Variants in COG5 observed in about 807,000 individuals in gnomAD.
The protein encoded by COG5 is component of oligomeric golgi complex 5, also known as conserved oligomeric Golgi complex subunit 5.
In COG5, 86 loss-of-function variants were observed where a neutral mutation model predicts 110.4. The ratio of observed to expected loss-of-function variants is 0.78; its 90% confidence interval spans 0.65 to 0.93. COG5 has a LOEUF of 0.93. Among genes scored for constraint, COG5 ranks in the 40% least tolerant of loss-of-function variants. COG5 has a pLI of 0.00. For synonymous variants in COG5, 360 were observed against 334.6 expected, an observed-to-expected ratio of 1.08 and a Z score of -0.83; for missense variants, 1,077 against 987.0, an observed-to-expected ratio of 1.09 and a Z score of -1.22.
rs1810854428 is a variant in COG5 at position 107,338,055 on chromosome 7, C to A, written c.1027-13534G>T. ...ATGGGCTGCCATCAACAAAAACCCA[C>A]ATTTTTGTCCACAACTACATTTTTC... On this transcript the variant is annotated intron_variant, in intron 10 of 21. Transcript: ENST00000297135. 2.6e-5 allele frequency among the ~76,000 whole-genome samples: 4 copies of A among 152,042 alleles called. No homozygotes were observed. In the South Asian group the frequency reaches 8.3e-4, roughly 31 times the overall value.
chr7:107,441,287 A>G (rs973338133), intron 6 of COG5, among the ~76,000 whole-genome samples: 1 of 151,136 alleles, frequency 6.6e-6, no homozygotes, highest in Non-Finnish European at 1.5e-5. Flanking sequence ...AGAATTACCA[A>G]TCCTGAGGAG....
intron 6 of COG5, among the ~76,000 whole-genome samples, chr7:107,455,493 C>T (rs1795605077): frequency 6.6e-6 from 1 of 152,060 alleles, no homozygotes; most frequent in Admixed American, 6.6e-5. Flanking sequence ...TGGTCTCAGC[C>T]CTCAAGCTGA....
intron 6 of COG5, among the ~76,000 whole-genome samples, chr7:107,515,791 C>G (rs1283320751): frequency 6.6e-6 from 1 of 152,148 alleles, no homozygotes; most frequent in African/African-American, 2.4e-5. Flanking sequence ...CTCTTTAGAA[C>G]AAGTCAGGCA....
At position 107,474,486 on chromosome 7, in the gene COG5, C is replaced by T; in HGVS notation, c.538+52751G>A. On this transcript the variant is annotated intron_variant, in intron 6 of 21. Coordinates refer to ENST00000297135, the MANE Select transcript of COG5 (RefSeq NM_006348.5). This position sits in a 1 kb window ranked among gnomAD's most constrained non-coding sequence, Gnocchi z 5.7. Reference sequence around the variant, plus strand: ...TTGCTATCACTTTGGACAGATATGACATCTCTGTAAAACCTGCAAACCGAA... The same window carrying T: ...TTGCTATCACTTTGGACAGATATGATATCTCTGTAAAACCTGCAAACCGAA... The T allele has an allele frequency of 1.9e-6, 3 of 1,613,198 alleles. No individual in the cohort carries two copies. The highest frequency in any genetic ancestry group is 2.5e-6 in the Non-Finnish European group (3 of 1,179,450).
intron 6 of COG5, among the ~76,000 whole-genome samples, chr7:107,489,597 G>GA (rs1002321155): frequency 1.6e-4 from 25 of 151,994 alleles, no homozygotes; most frequent in African/African-American, 5.8e-4. Context: ...TGTTAAAAAA[G>GA]AAAAAAATCT....
intron 7 of COG5, among the ~76,000 whole-genome samples, chr7:107,390,980 T>C (rs1336607411): frequency 4.6e-5 from 7 of 151,972 alleles, no homozygotes; most frequent in Non-Finnish European, 1.0e-4. Flanking sequence ...CTTTGAGCTA[T>C]AGCAAGGTAA....
At chr7:107,341,964 G>A (rs60224186) in intron 10 of COG5, among the ~76,000 whole-genome samples, 2,855 of 152,156 alleles carry the variant, frequency 0.019, 91 homozygotes, top group African/African-American at 0.063. Flanking sequence ...CTGGACATTC[G>A]CCTTGGGAAA....
chr7:107,304,611 T>C (rs527651253), intron 11 of COG5, among the ~76,000 whole-genome samples: 19 of 152,326 alleles, frequency 1.2e-4, no homozygotes, highest in Non-Finnish European at 1.3e-4. Context: ...ACAGCTCTAA[T>C]GTATTCTTTA....
At chr7:107,330,689 T>C (rs1227406092) in intron 10 of COG5, among the ~76,000 whole-genome samples, 1 of 152,212 alleles carries the variant, frequency 6.6e-6, no homozygotes, top group Non-Finnish European at 1.5e-5. Context: ...ATCCAAGGTC[T>C]ACCACTTGTG....
intron 17 of COG5, among the ~76,000 whole-genome samples, chr7:107,241,716 T>G (rs1461430814): frequency 1.3e-5 from 2 of 152,126 alleles, no homozygotes; most frequent in South Asian, 4.1e-4. Context: ...CCTCCCAAAG[T>G]GCTGGGATTA....
chr7:107,460,884 T>C (rs1050052284), intron 6 of COG5, among the ~76,000 whole-genome samples: 1 of 152,070 alleles, frequency 6.6e-6, no homozygotes, highest in African/African-American at 2.4e-5. Context: ...ATTCAAAAGA[T>C]ATATATTAAA....
At chr7:107,443,229 T>A (rs1052618104) in intron 6 of COG5, among the ~76,000 whole-genome samples, 1 of 152,088 alleles carries the variant, frequency 6.6e-6, no homozygotes, top group Non-Finnish European at 1.5e-5. Flanking sequence ...TGAAAATATA[T>A]ACTAAGTGAA....
intron 10 of COG5, among the ~76,000 whole-genome samples, chr7:107,342,758 C>A (rs768857278): frequency 5.3e-5 from 8 of 152,084 alleles, no homozygotes; most frequent in African/African-American, 1.9e-4. Flanking sequence ...AATGTTTATA[C>A]GTTGCTTCTG....
At chr7:107,499,375 G>A (rs1798491697) in intron 6 of COG5, among the ~76,000 whole-genome samples, 1 of 150,870 alleles carries the variant, frequency 6.6e-6, no homozygotes, top group Non-Finnish European at 1.5e-5. Flanking sequence ...AACCTATCCA[G>A]AAAAGTTTAA....
At chr7:107,408,327 T>TA (rs1477175241) in intron 7 of COG5, among the ~76,000 whole-genome samples, 1 of 152,216 alleles carries the variant, frequency 6.6e-6, no homozygotes, top group Non-Finnish European at 1.5e-5. Context: ...TGCTGGTCCT[T>TA]AGATGAGCTG....
intron 6 of COG5, among the ~76,000 whole-genome samples, chr7:107,463,327 T>C (rs1002328880): frequency 1.4e-4 from 22 of 152,216 alleles, no homozygotes; most frequent in Non-Finnish European, 3.2e-4. Flanking sequence ...GTGGCACTGC[T>C]GTACTGGGAA....
intron 6 of COG5, among the ~76,000 whole-genome samples, chr7:107,483,367 A>G (rs192429034): frequency 6.6e-5 from 10 of 152,230 alleles, no homozygotes; most frequent in Non-Finnish European, 8.8e-5. Flanking sequence ...ACTTATTGAA[A>G]ATGAGCATTA....
At chr7:107,438,399 C>T (rs921770214) in intron 6 of COG5, among the ~76,000 whole-genome samples, 4 of 152,174 alleles carry the variant, frequency 2.6e-5, no homozygotes, top group African/African-American at 9.7e-5. Context: ...AACTGCTTTT[C>T]TTTGTCTTGT....
chr7:107,480,401 C>G (rs891683574), intron 6 of COG5, among the ~76,000 whole-genome samples: 1 of 152,028 alleles, frequency 6.6e-6, no homozygotes, highest in Admixed American at 6.6e-5. Context: ...TGAATGTAAG[C>G]CCCCACTCAG....
Sources: gnomAD v4.1 joint callset for allele counts (sites outside exome capture counted in the v4.1 genomes callset) on GRCh38, gnomAD v4.1.1 for gene constraint, Gnocchi (gnomAD v3.1) non-coding constraint, MANE v1.5 for transcripts, NCBI Gene and HGNC (gene_info 2026-07-23, HGNC 2026-07-21) for gene names.